The following SLC17A2 variants were observed in gnomAD, a reference collection of about 807,000 sequenced individuals.
SLC17A2 encodes solute carrier family 17 member 2.
SLC17A2 carries 38 observed loss-of-function variants against 52.1 expected under a neutral mutation model. That is an observed-to-expected ratio of 0.73 (90% confidence interval 0.56 to 0.96). The LOEUF (loss-of-function observed/expected upper bound fraction) is 0.96, where lower values mean the gene tolerates loss of function less well. Ranked by LOEUF, SLC17A2 falls within the 40% of genes least tolerant of loss-of-function variation. SLC17A2 has a pLI of 0.00. For synonymous variants in SLC17A2, 226 were observed against 211.9 expected (o/e 1.07, Z -0.58); for missense variants, 508 against 583.9 (o/e 0.87, Z 1.34).
chr6:25,930,517 C>A lies in SLC17A2; in HGVS notation c.-324G>T, dbSNP rs1766913995. The A allele has an allele frequency of 6.6e-6, 1 of 152,176 alleles. No individual in the cohort carries two copies. The highest frequency in any genetic ancestry group is 2.1e-4 in the South Asian group (1 of 4,824). The allele number at this position is 152,176 out of a possible 1,614,324, so 9.4% of individuals were successfully genotyped here. A position where few individuals can be genotyped will look rare whatever the true frequency, so the allele number is the denominator to read the frequency against. On this transcript the variant is annotated 5_prime_UTR_variant, in exon 1 of 12. Coordinates refer to ENST00000377850, the MANE Select transcript of SLC17A2 (RefSeq NM_001286123.3). ...GGTAAGTTAGTAATAATCCTTCTAC[C>A]CAAAAAGAAGAAAAGCACTTACCTT...
At chr6:25,924,971 A>C (rs986580952) in intron 2 of SLC17A2, among the ~76,000 whole-genome samples, 1 of 152,212 alleles carries the variant, frequency 6.6e-6, no homozygotes, top group Non-Finnish European at 1.5e-5. Flanking sequence ...TCCCATGTGC[A>C]TGATAGATTG....
chr6:25,920,571 T>C (rs1766514537), intron 5 of SLC17A2, among the ~76,000 whole-genome samples: 1 of 152,230 alleles, frequency 6.6e-6, no homozygotes, highest in Admixed American at 6.5e-5. Context: ...AGTAAAGAGC[T>C]TAGAATAATA....
intron 6 of SLC17A2, 132 bp downstream of exon 6, chr6:25,918,355 C>T (rs1030682940): frequency 4.5e-5 from 29 of 645,400 alleles, no homozygotes; most frequent in East Asian, 4.5e-4. Flanking sequence ...TGATACCAAC[C>T]GTTGACATTT....
At position 25,915,743 on chromosome 6, in the gene SLC17A2, T is replaced by G; in HGVS notation, c.1056A>C (p.Ser352=). 1 of 1,613,912 alleles carries G rather than the reference T, an allele frequency of 6.2e-7. No individual in the cohort carries two copies. The highest frequency in any genetic ancestry group is 1.1e-5 in the South Asian group (1 of 91,038). ...LRLITVRKLF[S]SLGLLLPSIC... The stretch of plus-strand genomic sequence containing the variant: ...CCACACGCTTATCCTTACCAAGAGA[T>G]GAAAAGAGCTTTCGCACAGTGATCA... Residue 352 remains serine, a synonymous_variant, in exon 9 of 12, where the codon TCA becomes TCC. Transcript: ENST00000377850.
chr6:25,925,783 G>C lies in SLC17A2; in HGVS notation c.14C>G (p.Pro5Arg). 2.5e-6 allele frequency: 4 copies of C among 1,614,178 alleles called. No individual in the cohort carries two copies. The highest frequency in any genetic ancestry group is 3.4e-6 in the Non-Finnish European group (4 of 1,179,996). Residue 5 changes from proline (P) to arginine (R), a missense_variant, in exon 2 of 12, where the codon CCT becomes CGT. Physicochemically the swap from Pro to Arg is moderately radical, Grantham distance 103. Transcript: ENST00000377850. ...AGTGGCTTTACCTTTCCTGGTGGCA[G>C]GCTTCCCGTCCATTTAGCTTCTGTG... MDGK[P>R]ATRKGPDFCS...
chr6:25,915,483 C>T lies in SLC17A2; in HGVS notation c.1211+16G>A, dbSNP rs763882821. ...GAGGGGTCTGGAGGAGGGGAAAAAA[C>T]AGGTAGAGCTCTTACCTGGGGGCGA... On this transcript the variant is annotated intron_variant, in intron 10 of 11. Transcript: ENST00000377850. 6 of 1,545,490 alleles carry T rather than the reference C, an allele frequency of 3.9e-6. No homozygotes were observed. The highest frequency in any genetic ancestry group is 8.7e-7 in the Non-Finnish European group (1 of 1,144,940).
intron 2 of SLC17A2, among the ~76,000 whole-genome samples, chr6:25,924,210 A>T (rs1766670086): frequency 6.6e-6 from 1 of 152,196 alleles, no homozygotes; most frequent in South Asian, 2.1e-4. Context: ...TCCAAAATGA[A>T]GTGAATGGGG....
At chr6:25,928,212 G>C (rs1766830799) in intron 1 of SLC17A2, among the ~76,000 whole-genome samples, 1 of 151,894 alleles carries the variant, frequency 6.6e-6, no homozygotes, top group South Asian at 2.1e-4. Context: ...ACTACTGCTT[G>C]TTCTACCTAT....
At chr6:25,926,957 T>C (rs1766787865) in intron 1 of SLC17A2, among the ~76,000 whole-genome samples, 1 of 152,122 alleles carries the variant, frequency 6.6e-6, no homozygotes, top group Non-Finnish European at 1.5e-5. Flanking sequence ...ACCCTGCTAC[T>C]AAGGAGGCTG....
rs376858108 is a variant in SLC17A2 at position 25,925,781 on chromosome 6, C to G, written c.16G>C (p.Ala6Pro). 4.3e-6 allele frequency: 7 copies of G among 1,614,060 alleles called. No homozygotes were observed. In the South Asian group the frequency reaches 5.5e-5, roughly 13 times the overall value. ...GCAGTGGCTTTACCTTTCCTGGTGG[C>G]AGGCTTCCCGTCCATTTAGCTTCTG... MDGKP[A>P]TRKGPDFCSL... Residue 6 changes from alanine to proline, a missense_variant, in exon 2 of 12, where the codon GCC becomes CCC. Ala to Pro is a conservative substitution (Grantham distance 27). Coordinates refer to ENST00000377850, the MANE Select transcript of SLC17A2 (RefSeq NM_001286123.3).
At chr6:25,928,450 G>A (rs890936639) in intron 1 of SLC17A2, among the ~76,000 whole-genome samples, 1 of 152,078 alleles carries the variant, frequency 6.6e-6, no homozygotes, top group Non-Finnish European at 1.5e-5. Flanking sequence ...TACTGGAATT[G>A]TATCACAAAC....
chr6:25,925,462 G>A (rs1046985701), intron 2 of SLC17A2, among the ~76,000 whole-genome samples: 5 of 147,936 alleles, frequency 3.4e-5, no homozygotes, highest in Middle Eastern at 7.1e-3. Context: ...GCAGTGAGCC[G>A]AGATCGCACC....
At position 25,916,725 on chromosome 6, in the gene SLC17A2, G is replaced by A. The variant is rs1051720341; in HGVS notation, c.890C>T (p.Pro297Leu). 1.2e-6 allele frequency: 2 copies of A among 1,613,572 alleles called. No homozygotes were observed. Among genetic ancestry groups the A allele is most frequent in the African/African-American group, 1.3e-5 (1 of 74,902 alleles). Residue 297 changes from proline to leucine, a missense_variant, in exon 8 of 12, where the codon CCA (proline) becomes CTA (leucine). Transcript: ENST00000377850. ...WLCTIILTYL[P>L]TYISTLLHVN... Reference sequence around the variant, plus strand: ...ATGGAGCAGAGTACTGATATACGTTGGTAGGTATGTTAGGATGATGGTGCA... The same window carrying A: ...ATGGAGCAGAGTACTGATATACGTTAGTAGGTATGTTAGGATGATGGTGCA...
At chr6:25,929,608 C>T (rs1334066239) in intron 1 of SLC17A2, among the ~76,000 whole-genome samples, 1 of 152,104 alleles carries the variant, frequency 6.6e-6, no homozygotes, top group African/African-American at 2.4e-5. Context: ...GAAGCAATTC[C>T]TTCAGTGTTA....
chr6:25,929,969 C>T (rs144423019), intron 1 of SLC17A2, among the ~76,000 whole-genome samples: 4 of 152,210 alleles, frequency 2.6e-5, no homozygotes, highest in Admixed American at 6.5e-5. Flanking sequence ...GTGCACGCGC[C>T]GCTACGCCCT....
At chr6:25,919,436 G>A (rs187447671) in intron 5 of SLC17A2, among the ~76,000 whole-genome samples, 16 of 151,998 alleles carry the variant, frequency 1.1e-4, no homozygotes, top group African/African-American at 2.9e-4. Flanking sequence ...GGCCGGGCGC[G>A]GTGGCTCACG....
At position 25,930,428 on chromosome 6, in the gene SLC17A2, T is replaced by G. The variant is rs1257538490; in HGVS notation, c.-235A>C. ...CAATATTACCAGATGGAGATCCTTA[T>G]GTTGCTGTTAATGTCTTTTCTCTGA... On this transcript the variant is annotated 5_prime_UTR_variant, in exon 1 of 12. Transcript: ENST00000377850. 6.6e-6 allele frequency: 1 copy of G among 152,256 alleles called. No individual in the cohort carries two copies. The highest frequency in any genetic ancestry group is 6.5e-5 in the Admixed American group (1 of 15,282). 9.4% of individuals were successfully genotyped at this position (152,256 alleles called of 1,614,324 possible). A position where few individuals can be genotyped will look rare whatever the true frequency, so the allele number is the denominator to read the frequency against.
At chr6:25,927,033 T>C (rs1247710100) in intron 1 of SLC17A2, among the ~76,000 whole-genome samples, 1 of 152,224 alleles carries the variant, frequency 6.6e-6, no homozygotes. Flanking sequence ...GCCACTGCAC[T>C]ACAGCTTGGG....
chr6:25,924,770 C>T (rs1766695441), intron 2 of SLC17A2, among the ~76,000 whole-genome samples: 7 of 150,512 alleles, frequency 4.7e-5, no homozygotes, highest in Admixed American at 2.0e-4. Flanking sequence ...GATCATGTCA[C>T]TGTACTCCAG....
Sources: allele counts gnomAD v4.1 joint callset (sites outside exome capture counted in the v4.1 genomes callset), GRCh38; gene constraint gnomAD v4.1.1; transcripts MANE v1.5; gene names NCBI Gene and HGNC (gene_info 2026-07-23, HGNC 2026-07-21).